VPS53: variants seen among roughly 807,000 people sequenced by gnomAD.
The protein encoded by VPS53 is VPS53 subunit of GARP complex.
A neutral mutation model predicts 107.0 loss-of-function variants in VPS53; 70 were observed. The observed-to-expected ratio is 0.65, with a 90% confidence interval of 0.54 to 0.80. The LOEUF (loss-of-function observed/expected upper bound fraction) is 0.80. Among genes scored for constraint, VPS53 ranks in the 30% least tolerant of loss-of-function variants. VPS53 has a pLI of 0.00. For synonymous variants in VPS53, 409 were observed against 393.3 expected (o/e 1.04, Z -0.47); for missense variants, 917 against 1,049.4 (o/e 0.87, Z 1.74).
intron 2 of VPS53, among the ~76,000 whole-genome samples, chr17:704,151 A>C (rs1233409100): frequency 2.0e-5 from 3 of 152,108 alleles, no homozygotes; most frequent in Non-Finnish European, 1.5e-5. Context: ...CTTTCAAATG[A>C]TTATCTTCAG....
intron 13 of VPS53, among the ~76,000 whole-genome samples, chr17:577,705 T>C (rs1272500692): frequency 4.3e-5 from 6 of 140,122 alleles, no homozygotes; most frequent in Admixed American, 1.4e-4. Context: ...CAGAGAACCT[T>C]CCTAAGCACG....
At chr17:557,858 T>A (rs1055050870) in intron 15 of VPS53, among the ~76,000 whole-genome samples, 6 of 146,530 alleles carry the variant, frequency 4.1e-5, no homozygotes, top group African/African-American at 1.5e-4. Context: ...GGATTATCTT[T>A]TTTTTTTTTT....
At chr17:658,950 CT>C (rs1384721943) in intron 5 of VPS53, among the ~76,000 whole-genome samples, 1 of 151,966 alleles carries the variant, frequency 6.6e-6, no homozygotes, top group East Asian at 1.9e-4. Context: ...TTACCTGGAT[CT>C]TAGCTATAAA....
At chr17:681,341 T>C (rs1260123148) in intron 4 of VPS53, among the ~76,000 whole-genome samples, 1 of 152,220 alleles carries the variant, frequency 6.6e-6, no homozygotes, top group Non-Finnish European at 1.5e-5. Flanking sequence ...TTCACCATAT[T>C]GGTCAGGGTG....
chr17:666,448 G>A (rs1464346985), intron 4 of VPS53, among the ~76,000 whole-genome samples: 4 of 152,216 alleles, frequency 2.6e-5, no homozygotes, highest in African/African-American at 9.6e-5. Context: ...TGGATGACCT[G>A]AGGTCAGGAG....
intron 5 of VPS53, among the ~76,000 whole-genome samples, chr17:659,320 G>C (rs951633737): frequency 6.6e-6 from 1 of 152,056 alleles, no homozygotes. Context: ...GTTTCGCTCT[G>C]TCGCCCAGGC....
intron 13 of VPS53, among the ~76,000 whole-genome samples, chr17:580,595 T>C (rs1966961700): frequency 6.8e-6 from 1 of 147,770 alleles, no homozygotes; most frequent in Non-Finnish European, 1.5e-5. Context: ...CCTAATGTGT[T>C]CCCAGGGAAC....
intron 4 of VPS53, among the ~76,000 whole-genome samples, chr17:677,233 T>C (rs1471721292): frequency 1.3e-5 from 2 of 152,124 alleles, no homozygotes; most frequent in African/African-American, 4.8e-5. Context: ...ATACACACAA[T>C]GTGGTGGAAC....
rs184161286 is a variant in VPS53, at chr17:646,124, G to C, written c.608+7167C>G. ...GGAGACTGGCTCTTACACACATCTC[G>C]GTGACCGCGTGGCCTCTGCCTGATA... On this transcript the variant is annotated intron_variant, in intron 7 of 21. Transcript: ENST00000437048. Among the ~76,000 whole-genome samples the C allele has an allele frequency of 5.0e-3, 286 of 56,804 alleles. 39 individuals carry two copies. The East Asian group carries it at 0.099, about 20-fold the overall frequency. 37.3% of individuals were successfully genotyped at this position (56,804 alleles called of 152,430 possible).
intron 4 of VPS53, among the ~76,000 whole-genome samples, chr17:672,109 GAC>G (rs10630363): frequency 0.026 from 2,868 of 108,870 alleles, 38 homozygotes; most frequent in African/African-American, 0.049. Context: ...TGATGAGGGT[GAC>G]ACACACACAC....
chr17:542,760 C>A (rs1480866903), intron 17 of VPS53, among the ~76,000 whole-genome samples: 3 of 152,242 alleles, frequency 2.0e-5, no homozygotes, highest in East Asian at 3.9e-4. Context: ...AGGTGGATCA[C>A]TTGAGGCCAG....
At chr17:611,668 C>T (rs529728845) in intron 11 of VPS53, among the ~76,000 whole-genome samples, 31 of 151,904 alleles carry the variant, frequency 2.0e-4, no homozygotes, top group Non-Finnish European at 4.4e-4. Flanking sequence ...AAACCTGTAC[C>T]GATATTCACA....
rs1183298318 is a variant in VPS53 at position 655,827 on chromosome 17, G to A, written c.488+11C>T. The stretch of plus-strand genomic sequence containing the variant: ...CCCGTGGCCCCAAAAGAGAAAGTTG[G>A]CATTGCTTACTCGAGGGAGTCGACA... On this transcript the variant is annotated intron_variant, in intron 6 of 21. Coordinates refer to ENST00000437048, the MANE Select transcript of VPS53 (RefSeq NM_001128159.3). The A allele has an allele frequency of 1.2e-6, 2 of 1,606,208 alleles. No individual in the cohort carries two copies. Among genetic ancestry groups the A allele is most frequent in the Non-Finnish European group, 1.7e-6 (2 of 1,175,804 alleles).
At position 714,656 on chromosome 17, in the gene VPS53, C is replaced by G; in HGVS notation, c.54G>C (p.Gln18His). 6.2e-7 allele frequency: 1 copy of G among 1,613,150 alleles called. No homozygotes were observed. The highest frequency in any genetic ancestry group is 8.5e-7 in the Non-Finnish European group (1 of 1,179,552). Residue 18 changes from glutamine to histidine, a missense_variant, in exon 1 of 22, where the codon CAG becomes CAC. Transcript: ENST00000437048. ...EFVEELEAVLQLTPEVQLAIE... is the reference protein window; with the variant it reads ...EFVEELEAVLHLTPEVQLAIE... ...TGGCCAGCTGCACCTCGGGCGTGAG[C>G]TGCAGCACGGCTTCCAGCTCCTCCA...
chr17:672,109 G>GACACACACACACACACACAC (rs10630363), intron 4 of VPS53, among the ~76,000 whole-genome samples: 14 of 108,890 alleles, frequency 1.3e-4, no homozygotes, highest in East Asian at 8.2e-4. Flanking sequence ...TGATGAGGGT[G>GACACACACACACACACACAC]ACACACACAC....
chr17:596,293 T>C (rs1393281460), intron 12 of VPS53, among the ~76,000 whole-genome samples: 2 of 152,214 alleles, frequency 1.3e-5, no homozygotes, highest in Admixed American at 6.5e-5. Flanking sequence ...GCTCATCTCT[T>C]AGGTATAAAA....
intron 2 of VPS53, among the ~76,000 whole-genome samples, chr17:702,232 T>C (rs958401470): frequency 3.3e-4 from 50 of 152,160 alleles, no homozygotes; most frequent in African/African-American, 1.1e-3. Context: ...CACACGCCTG[T>C]AGTACAATCT....
chr17:614,473 A>G (rs908022186), intron 11 of VPS53, among the ~76,000 whole-genome samples: 8 of 152,224 alleles, frequency 5.3e-5, no homozygotes, highest in Admixed American at 1.3e-4. Flanking sequence ...TCTCAGAAAC[A>G]GAAGTTAATC....
At position 699,521 on chromosome 17, in the gene VPS53, A is replaced by C. The variant is rs184529529; in HGVS notation, c.169-141T>G. ...TGATATGAGTTTTGCTTTAAAAAAA[A>C]AAAAAGTAAAGCAGTAGTTGGAAGC... On this transcript the variant is annotated intron_variant, in intron 2 of 21. Coordinates refer to ENST00000437048, the MANE Select transcript of VPS53 (RefSeq NM_001128159.3). 2.7e-4 allele frequency: 160 copies of C among 583,556 alleles called. No individual in the cohort carries two copies. In the African/African-American group the frequency reaches 2.8e-3, roughly 10 times the overall value. The allele number at this position is 583,556 out of a possible 1,614,324, so 36.1% of individuals were successfully genotyped here. A position where few individuals can be genotyped will look rare whatever the true frequency, so the allele number is the denominator to read the frequency against.
Sources: allele counts gnomAD v4.1 joint callset (sites outside exome capture counted in the v4.1 genomes callset), GRCh38; gene constraint gnomAD v4.1.1; transcripts MANE v1.5; gene names NCBI Gene and HGNC (gene_info 2026-07-23, HGNC 2026-07-21).